The following MINDY3 variants were observed in gnomAD, a reference collection of about 807,000 sequenced individuals.
MINDY3 encodes the protein ubiquitin carboxyl-terminal hydrolase MINDY-3.
In MINDY3, 38 loss-of-function variants were observed where a neutral mutation model predicts 69.2. The observed-to-expected ratio is 0.55, with a 90% CI of 0.42 to 0.72. The LOEUF is 0.72. MINDY3 is among the 30% of genes least tolerant of loss of function. The probability of loss-of-function intolerance (pLI) is 0.00; values close to 1 mark genes in which losing one functional copy is unlikely to be tolerated. For missense variants in MINDY3, 522 were observed against 519.0 expected (o/e 1.01, Z -0.06); for synonymous variants, 192 against 180.1 (o/e 1.07, Z -0.53).
chr10:15,790,751 G>A (rs1837346966), intron 11 of MINDY3, among the ~76,000 whole-genome samples: 1 of 152,086 alleles, frequency 6.6e-6, no homozygotes. Context: ...TATAATGGCT[G>A]AACATCCCTG....
chr10:15,832,343 CTGGAAGAAGA>C (rs1832789648), intron 8 of MINDY3, among the ~76,000 whole-genome samples: 2 of 151,994 alleles, frequency 1.3e-5, no homozygotes, highest in African/African-American at 2.4e-5. Flanking sequence ...CCAGAAACAA[CTGGAAGAAGA>C]AGAAAGACGG....
chr10:15,799,809 C>T (rs1479560752), intron 10 of MINDY3, among the ~76,000 whole-genome samples: 3 of 152,126 alleles, frequency 2.0e-5, no homozygotes, highest in Non-Finnish European at 2.9e-5. Flanking sequence ...AATGGTTAAA[C>T]ATCCAAGTAG....
At chr10:15,805,282 C>T (rs1838557495) in intron 10 of MINDY3, among the ~76,000 whole-genome samples, 1 of 152,026 alleles carries the variant, frequency 6.6e-6, no homozygotes, top group Non-Finnish European at 1.5e-5. Flanking sequence ...CTTTAAAGAC[C>T]TTTTCAGTAA....
At chr10:15,788,987 TTAAAGTTTATAGAAA>T in intron 12 of MINDY3, 1 of 296,892 alleles carries the variant, frequency 3.4e-6, no homozygotes, top group Non-Finnish European at 6.4e-6. Flanking sequence ...GAGAAACTTT[TTAAAGTTTATAGAAA>T]GACACTTTTA....
At chr10:15,795,507 T>C (rs1329779596) in intron 11 of MINDY3, among the ~76,000 whole-genome samples, 1 of 152,086 alleles carries the variant, frequency 6.6e-6, no homozygotes, top group East Asian at 1.9e-4. Flanking sequence ...TTTGAAGTTA[T>C]ACTTGAAAGG....
At chr10:15,827,695 C>G (rs1162309193) in intron 8 of MINDY3, among the ~76,000 whole-genome samples, 1 of 151,964 alleles carries the variant, frequency 6.6e-6, no homozygotes, top group African/African-American at 2.4e-5. Flanking sequence ...TAAAGAGCTC[C>G]TAGAAACTGA....
intron 9 of MINDY3, 163 bp from the exon 10 acceptor site, chr10:15,817,078 A>G (rs1443238258): frequency 1.7e-6 from 1 of 605,416 alleles, no homozygotes; most frequent in Non-Finnish European, 2.9e-6. Context: ...TGCTGAATGT[A>G]AAAATGAGTG....
At chr10:15,790,229 G>A (rs1837306502) in intron 11 of MINDY3, among the ~76,000 whole-genome samples, 1 of 152,076 alleles carries the variant, frequency 6.6e-6, no homozygotes, top group Admixed American at 6.6e-5. Context: ...CTATCAGAAA[G>A]GAATGAAGTT....
Position 15,808,337 on chromosome 10 carries a change from T to G in MINDY3, c.882+8498A>C, listed in dbSNP as rs567752158. Among the ~76,000 whole-genome samples, 10 of 152,278 alleles carry G rather than the reference T, an allele frequency of 6.6e-5. No individual in the cohort carries two copies. In the South Asian group the frequency reaches 2.1e-3, roughly 32 times the overall value. On this transcript the variant is annotated intron_variant, in intron 10 of 14. Transcript: ENST00000277632. ...AAAGGATGAGGTAACTAAACTGCAA[T>G]AAAACACAAAATGCCAACTGTGAAT...
intron 10 of MINDY3, among the ~76,000 whole-genome samples, chr10:15,812,330 T>C (rs1391155596): frequency 6.6e-6 from 1 of 152,220 alleles, no homozygotes; most frequent in South Asian, 2.1e-4. Flanking sequence ...GTGTTAAATA[T>C]TACTCACAAC....
chr10:15,817,602 A>C (rs1203890545), intron 9 of MINDY3: 2 of 152,236 alleles, frequency 1.3e-5, no homozygotes, highest in African/African-American at 4.8e-5. Flanking sequence ...GTTTAATACT[A>C]AACAAACAGA....
intron 2 of MINDY3, among the ~76,000 whole-genome samples, chr10:15,844,693 A>G (rs1374566161): frequency 6.6e-6 from 1 of 152,214 alleles, no homozygotes; most frequent in Admixed American, 6.5e-5. Context: ...CAACTATTAC[A>G]TCAGAATCTG....
At chr10:15,791,190 A>G (rs1160043879) in intron 11 of MINDY3, among the ~76,000 whole-genome samples, 4 of 152,116 alleles carry the variant, frequency 2.6e-5, no homozygotes, top group Admixed American at 6.6e-5. Context: ...AACTTTTAAT[A>G]TACTCAAGAT....
chr10:15,789,395 C>A (rs1837242995), intron 11 of MINDY3, 76 bp from the exon 12 acceptor site: 2 of 1,129,634 alleles, frequency 1.8e-6, no homozygotes, highest in South Asian at 1.4e-5. Context: ...GATCAGGTTC[C>A]AGGAAAAAAA....
intron 8 of MINDY3, among the ~76,000 whole-genome samples, chr10:15,830,522 CAT>C (rs1226291088): frequency 1.3e-5 from 2 of 152,250 alleles, no homozygotes; most frequent in Non-Finnish European, 2.9e-5. Flanking sequence ...TCTTACACTA[CAT>C]GTTAGTCTTG....
chr10:15,846,855 C>T (rs1446732361), intron 2 of MINDY3, among the ~76,000 whole-genome samples: 1 of 151,948 alleles, frequency 6.6e-6, no homozygotes, highest in East Asian at 1.9e-4. Context: ...TCCCAAGTAG[C>T]TGGGACTACA....
At chr10:15,786,955 G>A (rs1407317003) in intron 12 of MINDY3, among the ~76,000 whole-genome samples, 2 of 152,064 alleles carry the variant, frequency 1.3e-5, no homozygotes, top group Non-Finnish European at 2.9e-5. Context: ...CTTCCCAAAG[G>A]CAAATTCTCT....
At position 15,860,490 on chromosome 10, in the gene MINDY3, G is replaced by A. The variant is rs1835024367; in HGVS notation, c.-191C>T. ...TCAAGCCAGGTTGGGGCAGCAGCGA[G>A]TTTTCCGTACCGGAAGTGCTGGTGC... is the stretch of plus-strand genomic sequence containing the variant. On this transcript the variant is annotated 5_prime_UTR_variant, in exon 1 of 15. Coordinates refer to ENST00000277632, the MANE Select transcript of MINDY3 (RefSeq NM_024948.4). 3.3e-6 allele frequency: 2 copies of A among 602,308 alleles called. No individual in the cohort carries two copies. Among genetic ancestry groups the A allele is most frequent in the Non-Finnish European group, 5.8e-6 (2 of 342,980 alleles). 37.3% of individuals were successfully genotyped at this position (602,308 alleles called of 1,614,324 possible).
intron 1 of MINDY3, among the ~76,000 whole-genome samples, chr10:15,857,689 G>GA (rs910398268): frequency 9.2e-5 from 14 of 151,442 alleles, no homozygotes; most frequent in Middle Eastern, 3.2e-3. Flanking sequence ...AAAAGAAGAA[G>GA]AAAAAAAACA....
Sources: gnomAD v4.1 joint callset for allele counts (sites outside exome capture counted in the v4.1 genomes callset) on GRCh38, gnomAD v4.1.1 for gene constraint, MANE v1.5 for transcripts, NCBI Gene and HGNC (gene_info 2026-07-23, HGNC 2026-07-21) for gene names.